GSE1: variants seen among roughly 807,000 people sequenced by gnomAD.
The protein encoded by GSE1 is genetic suppressor element 1.
Under a neutral mutation model 112.6 loss-of-function variants are expected in GSE1, and 32 were observed. The ratio of observed to expected loss-of-function variants is 0.28; its 90% CI spans 0.21 to 0.38. GSE1 has a LOEUF of 0.38. GSE1 is among the 10% of genes least tolerant of loss of function. The pLI, the probability that GSE1 is intolerant of heterozygous loss-of-function variation, is 1.00. For missense variants in GSE1, 2,348 were observed against 1,699.2 expected (o/e 1.38, Z -6.71); for synonymous variants, 1,115 against 735.6 (o/e 1.52, Z -8.35).
At chr16:85,431,521 C>A (rs569482143) in intron 2 of GSE1, among the ~76,000 whole-genome samples, 1 of 152,262 alleles carries the variant, frequency 6.6e-6, no homozygotes, top group Non-Finnish European at 1.5e-5. Context: ...TGATCCAACG[C>A]CTGCTGTCCC....
intron 1 of GSE1, among the ~76,000 whole-genome samples, chr16:85,180,142 C>G (rs2074552018): frequency 6.6e-6 from 1 of 152,378 alleles, no homozygotes; most frequent in South Asian, 2.1e-4. Context: ...GCTCTGCTGC[C>G]TGGCCTGTCT....
intron 2 of GSE1, among the ~76,000 whole-genome samples, chr16:85,394,140 G>T (rs2047913558): frequency 6.6e-6 from 1 of 152,050 alleles, no homozygotes; most frequent in Non-Finnish European, 1.5e-5. Flanking sequence ...ACCGGGGAAG[G>T]CTCAGCCGTG....
chr16:85,672,275 G>A (rs779972939), intron 15 of GSE1, 130 bp from the exon 16 acceptor site: 42 of 693,710 alleles, frequency 6.1e-5, no homozygotes, highest in Non-Finnish European at 8.7e-5. Context: ...GATTACAGGC[G>A]TGAGCCACCA....
chr16:85,611,948 C>T, upstream of GSE1, among the ~76,000 whole-genome samples: 1 of 151,918 alleles, frequency 6.6e-6, no homozygotes, highest in South Asian at 2.1e-4. Context: ...TGTCCCGGGG[C>T]AGGTTTGGGG....
intron 2 of GSE1, among the ~76,000 whole-genome samples, chr16:85,501,718 G>A (rs761345392): frequency 6.6e-6 from 1 of 152,176 alleles, no homozygotes; most frequent in Non-Finnish European, 1.5e-5. Flanking sequence ...TCTTTTGGAG[G>A]TACCAGTTCA....
intron 2 of GSE1, among the ~76,000 whole-genome samples, chr16:85,400,385 G>T (rs925417967): frequency 1.3e-5 from 2 of 151,890 alleles, no homozygotes; most frequent in African/African-American, 4.8e-5. Flanking sequence ...ATGTCTGTAT[G>T]TGTATCTCTG....
intron 1 of GSE1, among the ~76,000 whole-genome samples, chr16:85,271,050 C>T (rs534864901): frequency 6.6e-6 from 1 of 152,370 alleles, no homozygotes; most frequent in East Asian, 1.9e-4. Flanking sequence ...ATCTCTTTTT[C>T]TAGGTGCTTT....
At chr16:85,650,029 C>G (rs893316127) in intron 3 of GSE1, among the ~76,000 whole-genome samples, 1 of 152,178 alleles carries the variant, frequency 6.6e-6, no homozygotes, top group African/African-American at 2.4e-5. Flanking sequence ...TTCACGCCTT[C>G]CCTGGCTGAG....
intron 1 of GSE1, among the ~76,000 whole-genome samples, chr16:85,596,933 G>A (rs2047253190): frequency 6.6e-6 from 1 of 152,170 alleles, no homozygotes; most frequent in Non-Finnish European, 1.5e-5. Context: ...CTACTTGGGA[G>A]GCTGAGGCAG....
rs548119096 is a variant in GSE1 at position 85,673,488 on chromosome 16, A to G, written c.*949A>G. On this transcript the variant is annotated 3_prime_UTR_variant, in exon 16 of 16. Coordinates refer to ENST00000253458, the MANE Select transcript of GSE1 (RefSeq NM_014615.5). ...TTGGTTTTTTTTGGGCAAAAAAAAA[A>G]AAAAAACCTTGCTTTTAGTGTTTGT... 2 of 152,398 alleles carry G rather than the reference A, an allele frequency of 1.3e-5. No homozygotes were observed. The highest frequency in any genetic ancestry group is 2.4e-5 in the African/African-American group (1 of 41,388). 9.4% of individuals were successfully genotyped at this position (152,398 alleles called of 1,614,324 possible). A position where few individuals can be genotyped will look rare whatever the true frequency, so the allele number is the denominator to read the frequency against.
At chr16:85,527,387 C>T (rs2052398193) in intron 2 of GSE1, among the ~76,000 whole-genome samples, 1 of 152,280 alleles carries the variant, frequency 6.6e-6, no homozygotes, top group Non-Finnish European at 1.5e-5. Flanking sequence ...AGAAGAACCT[C>T]TCCCAGAGAA....
intron 1 of GSE1, among the ~76,000 whole-genome samples, chr16:85,217,946 G>C (rs919188967): frequency 4.6e-5 from 7 of 151,772 alleles, no homozygotes; most frequent in Admixed American, 2.6e-4. Flanking sequence ...CTGTTACGAC[G>C]CTGGAGTGCA....
intron 2 of GSE1, among the ~76,000 whole-genome samples, chr16:85,445,480 C>G (rs1197230192): frequency 2.6e-5 from 4 of 152,218 alleles, no homozygotes; most frequent in Non-Finnish European, 5.9e-5. Context: ...AGGTGCAGGC[C>G]CAGATTCTGT....
At chr16:85,556,431 A>AC (rs1236631855) in intron 1 of GSE1, 18 of 708,646 alleles carry the variant, frequency 2.5e-5, no homozygotes, top group Middle Eastern at 1.4e-3. Context: ...CCCTCACCCG[A>AC]CCCCCCTCCG....
chr16:85,395,529 G>T (rs2047945384), intron 2 of GSE1, among the ~76,000 whole-genome samples: 1 of 152,260 alleles, frequency 6.6e-6, no homozygotes, highest in African/African-American at 2.4e-5. Flanking sequence ...CATGTTCGCT[G>T]CCTGGAAACA....
intron 1 of GSE1, among the ~76,000 whole-genome samples, chr16:85,173,350 T>C (rs1416815900): frequency 6.6e-6 from 1 of 152,242 alleles, no homozygotes; most frequent in Non-Finnish European, 1.5e-5. Flanking sequence ...TTTCTTATCC[T>C]GGTGGAATGT....
At chr16:85,650,617 C>T (rs991597374) in intron 3 of GSE1, among the ~76,000 whole-genome samples, 16 of 152,302 alleles carry the variant, frequency 1.1e-4, no homozygotes, top group Middle Eastern at 3.4e-3. Context: ...AGAGCAGGGG[C>T]GCGACAGGCC....
At chr16:85,587,689 C>T (rs1223107166) in intron 1 of GSE1, among the ~76,000 whole-genome samples, 1 of 152,174 alleles carries the variant, frequency 6.6e-6, no homozygotes, top group African/African-American at 2.4e-5. Flanking sequence ...CCACCGAGAA[C>T]CCTCTCCTGC....
At chr16:85,374,490 T>C (rs1314523322) in intron 2 of GSE1, among the ~76,000 whole-genome samples, 2 of 151,624 alleles carry the variant, frequency 1.3e-5, no homozygotes, top group African/African-American at 4.8e-5. Flanking sequence ...TGTGTGGGTG[T>C]GTGGCTCTCA....
Sources: gnomAD v4.1 joint callset for allele counts (sites outside exome capture counted in the v4.1 genomes callset) on GRCh38, gnomAD v4.1.1 for gene constraint, MANE v1.5 for transcripts, NCBI Gene and HGNC (gene_info 2026-07-23, HGNC 2026-07-21) for gene names.